Variants in PELI2 observed in about 807,000 individuals in gnomAD.
The protein encoded by PELI2 is pellino E3 ubiquitin protein ligase family member 2.
Under a neutral mutation model 42.3 loss-of-function variants are expected in PELI2, and 23 were observed. That is an observed-to-expected ratio of 0.54 (90% confidence interval 0.39 to 0.77). The LOEUF is 0.77. PELI2 is among the 30% of genes least tolerant of loss of function. The pLI is 0.00. For missense variants in PELI2, 463 were observed against 553.2 expected (o/e 0.84, Z 1.64); for synonymous variants, 245 against 212.2 (o/e 1.15, Z -1.34).
intron 2 of PELI2, among the ~76,000 whole-genome samples, chr14:56,208,363 A>C (rs1402928914): frequency 6.6e-6 from 1 of 152,224 alleles, no homozygotes; most frequent in Non-Finnish European, 1.5e-5. Context: ...AGGAGATGGG[A>C]AATGACTGTT....
chr14:56,207,133 C>T (rs1886546061), intron 2 of PELI2, among the ~76,000 whole-genome samples: 1 of 151,978 alleles, frequency 6.6e-6, no homozygotes, highest in South Asian at 2.1e-4. Context: ...TTCTCCTCAC[C>T]CTTAGACACA....
rs1259010192 is a variant in PELI2, at chr14:56,167,537, T to A, written c.78-10798T>A. Among the ~76,000 whole-genome samples, 5 of 152,236 alleles carry A rather than the reference T, an allele frequency of 3.3e-5. No homozygotes were observed. The East Asian group carries it at 9.6e-4, about 29-fold the overall frequency. The stretch of plus-strand genomic sequence containing the variant: ...TAGATTTTTAATTATTTCAGTCTGT[T>A]TGTTAAATTTATCTGGTAGAATTCT... On this transcript the variant is annotated intron_variant, in intron 1 of 5. Coordinates refer to ENST00000267460, the MANE Select transcript of PELI2 (RefSeq NM_021255.3).
chr14:56,130,409 G>A (rs1806777520), intron 1 of PELI2, among the ~76,000 whole-genome samples: 1 of 151,874 alleles, frequency 6.6e-6, no homozygotes, highest in Admixed American at 6.6e-5. Flanking sequence ...TGCCTTTACT[G>A]TGTGTGTTCC....
At chr14:56,126,792 A>T (rs572791500) in intron 1 of PELI2, among the ~76,000 whole-genome samples, 129 of 152,274 alleles carry the variant, frequency 8.5e-4, no homozygotes, top group African/African-American at 2.9e-3. Flanking sequence ...AGGATTGTAG[A>T]CACAAAGGAG....
rs1890085179 is a variant in PELI2, at chr14:56,298,608, C to T, written c.*1442C>T. ...ACGTAATTTATATGATTCTAATGTA[C>T]TATATCCATACTTGAATTGGTTTTT... On this transcript the variant is annotated 3_prime_UTR_variant, in exon 6 of 6. Transcript: ENST00000267460. 1 of 152,588 alleles carries T rather than the reference C, an allele frequency of 6.6e-6. No individual in the cohort carries two copies. Among genetic ancestry groups the T allele is most frequent in the African/African-American group, 2.4e-5 (1 of 41,440 alleles). 9.5% of individuals were successfully genotyped at this position (152,588 alleles called of 1,614,324 possible).
intron 2 of PELI2, among the ~76,000 whole-genome samples, chr14:56,232,623 C>A (rs1457495918): frequency 6.6e-6 from 1 of 151,952 alleles, no homozygotes; most frequent in Non-Finnish European, 1.5e-5. Flanking sequence ...ATAATAAGAG[C>A]TATTTATGAC....
In PELI2 at chr14:56,118,506, G is replaced by A. The variant is rs1169083627; in HGVS notation, c.-155G>A. On this transcript the variant is annotated 5_prime_UTR_variant, in exon 1 of 6. Coordinates refer to ENST00000267460, the MANE Select transcript of PELI2 (RefSeq NM_021255.3). The stretch of plus-strand genomic sequence containing the variant: ...CGCGCAGCCACGACGGAGCAGCAGC[G>A]GGACTGGCCGCCCCGCGCCCCCTTC... The A allele has an allele frequency of 1.0e-5, 4 of 388,350 alleles. No individual in the cohort carries two copies. Among genetic ancestry groups the A allele is most frequent in the Middle Eastern group, 7.3e-4 (1 of 1,376 alleles). The allele number at this position is 388,350 out of a possible 1,614,324, so 24.1% of individuals were successfully genotyped here. A position where few individuals can be genotyped will look rare whatever the true frequency, so the allele number is the denominator to read the frequency against.
chr14:56,278,056 G>A (rs1190664925), intron 2 of PELI2, among the ~76,000 whole-genome samples: 1 of 152,198 alleles, frequency 6.6e-6, no homozygotes, highest in Non-Finnish European at 1.5e-5. Flanking sequence ...CATGAAAGTT[G>A]TGTTGGAGTT....
chr14:56,264,482 G>A (rs1390597575), intron 2 of PELI2, among the ~76,000 whole-genome samples: 2 of 152,178 alleles, frequency 1.3e-5, no homozygotes, highest in African/African-American at 2.4e-5. Flanking sequence ...AAGTGCTACA[G>A]TAATATGCAC....
At chr14:56,132,557 G>T (rs1883528610) in intron 1 of PELI2, among the ~76,000 whole-genome samples, 1 of 152,120 alleles carries the variant, frequency 6.6e-6, no homozygotes, top group African/African-American at 2.4e-5. Context: ...GCCTGCTTAT[G>T]TTCGTGTTCT....
chr14:56,275,572 A>T (rs1173271796), intron 2 of PELI2, among the ~76,000 whole-genome samples: 1 of 152,202 alleles, frequency 6.6e-6, no homozygotes, highest in African/African-American at 2.4e-5. Flanking sequence ...GATCCCTCAC[A>T]TGCGCATTCA....
At position 56,245,771 on chromosome 14, in the gene PELI2, AT is replaced by A. The variant is rs557963441; in HGVS notation, c.208-33904del. ...GGGAAAAATAACAATACAACAAAAAATAATACAAATTTTGTATTGTATATCA... is the reference window on the plus strand; with the variant it reads ...GGGAAAAATAACAATACAACAAAAAAAATACAAATTTTGTATTGTATATCA... On this transcript the variant is annotated intron_variant, in intron 2 of 5. Coordinates refer to ENST00000267460, the MANE Select transcript of PELI2 (RefSeq NM_021255.3). 3.5e-3 allele frequency among the ~76,000 whole-genome samples: 535 copies of A among 152,378 alleles called. 2 individuals are homozygous for A. Among genetic ancestry groups the A allele is most frequent in the Non-Finnish European group, 4.9e-3 (333 of 68,040 alleles).
intron 1 of PELI2, among the ~76,000 whole-genome samples, chr14:56,174,440 T>G (rs2139661111): frequency 6.6e-6 from 1 of 152,296 alleles, no homozygotes; most frequent in East Asian, 1.9e-4. Context: ...GCCATAACCC[T>G]TAGGGAGTAC....
chr14:56,243,377 C>T (rs1888043334), intron 2 of PELI2, among the ~76,000 whole-genome samples: 1 of 152,252 alleles, frequency 6.6e-6, no homozygotes, highest in Admixed American at 6.5e-5. Context: ...AGCTAACAGG[C>T]ACTGATCTCT....
chr14:56,284,986 G>T (rs995241123), intron 3 of PELI2, among the ~76,000 whole-genome samples: 1 of 152,256 alleles, frequency 6.6e-6, no homozygotes, highest in African/African-American at 2.4e-5. Context: ...GCTGAGACAG[G>T]TAGGACCTTC....
rs551896829 is a variant in PELI2 at position 56,223,859 on chromosome 14, CAGA to C, written c.207+45398_207+45400del. Among the ~76,000 whole-genome samples the C allele has an allele frequency of 3.3e-5, 5 of 152,212 alleles. No individual in the cohort carries two copies. The South Asian group carries it at 8.3e-4, about 25-fold the overall frequency. On this transcript the variant is annotated intron_variant, in intron 2 of 5. Coordinates refer to ENST00000267460, the MANE Select transcript of PELI2 (RefSeq NM_021255.3). Reference sequence around the variant, plus strand: ...ATTTGAATGCAGTTTGCTAAAATTCCAGAAGGAGATTAATTTACCAGTTCGTGT... The same window carrying C: ...ATTTGAATGCAGTTTGCTAAAATTCCAGGAGATTAATTTACCAGTTCGTGT...
At chr14:56,199,542 G>A (rs1326729537) in intron 2 of PELI2, among the ~76,000 whole-genome samples, 3 of 152,156 alleles carry the variant, frequency 2.0e-5, no homozygotes, top group African/African-American at 7.2e-5. Context: ...TCTACCCAGT[G>A]CTTCATGGTT....
At chr14:56,119,846 A>G in intron 1 of PELI2, 7 of 985,312 alleles carry the variant, frequency 7.1e-6, no homozygotes, top group Non-Finnish European at 7.2e-6. Context: ...TATTCAGAAC[A>G]TCCTCGGCGC....
chr14:56,218,109 G>T (rs1886978946), intron 2 of PELI2, among the ~76,000 whole-genome samples: 1 of 152,224 alleles, frequency 6.6e-6, no homozygotes, highest in Non-Finnish European at 1.5e-5. Flanking sequence ...GCTGGGGTTT[G>T]AGCCCTGTTT....
Sources: gnomAD v4.1 joint callset for allele counts (sites outside exome capture counted in the v4.1 genomes callset) on GRCh38, gnomAD v4.1.1 for gene constraint, MANE v1.5 for transcripts, NCBI Gene and HGNC (gene_info 2026-07-23, HGNC 2026-07-21) for gene names.